The following PAK5 variants were observed in gnomAD, a reference collection of about 807,000 sequenced individuals.
PAK5 encodes the protein serine/threonine-protein kinase PAK 5.
A neutral mutation model predicts 65.9 loss-of-function variants in PAK5; 16 were observed. That is an observed-to-expected ratio of 0.24 (90% CI 0.16 to 0.37). The LOEUF (loss-of-function observed/expected upper bound fraction) is 0.37, where lower values mean the gene tolerates loss of function less well. Ranked by LOEUF, PAK5 falls within the 10% of genes least tolerant of loss-of-function variation. PAK5 has a pLI of 1.00. For missense variants in PAK5, 785 were observed against 903.9 expected, an observed-to-expected ratio of 0.87 and a Z score of 1.69; for synonymous variants, 371 against 354.9, an observed-to-expected ratio of 1.05 and a Z score of -0.51.
At chr20:9,570,740 C>T (rs1331401111) in intron 4 of PAK5, among the ~76,000 whole-genome samples, 3 of 152,142 alleles carry the variant, frequency 2.0e-5, no homozygotes, top group African/African-American at 4.8e-5. Context: ...GTACTTTCAA[C>T]GAAATTGAAT....
intron 1 of PAK5, among the ~76,000 whole-genome samples, chr20:9,827,327 T>A (rs1323114592): frequency 1.3e-5 from 2 of 152,230 alleles, no homozygotes; most frequent in Non-Finnish European, 1.5e-5. Flanking sequence ...CTTGAATCTA[T>A]CTAACTGCGT....
chr20:9,759,212 A>G (rs1231445880), intron 1 of PAK5, among the ~76,000 whole-genome samples: 2 of 152,318 alleles, frequency 1.3e-5, no homozygotes, highest in Non-Finnish European at 2.9e-5. Flanking sequence ...TGCAGAATGT[A>G]GCTGGGCTTT....
At chr20:9,609,791 A>G (rs2046524445) in intron 3 of PAK5, among the ~76,000 whole-genome samples, 1 of 152,236 alleles carries the variant, frequency 6.6e-6, no homozygotes, top group African/African-American at 2.4e-5. Flanking sequence ...GAACTTTAGC[A>G]TAGACATTAT....
chr20:9,680,020 T>G (rs2047628361), intron 2 of PAK5, among the ~76,000 whole-genome samples: 1 of 152,192 alleles, frequency 6.6e-6, no homozygotes, highest in African/African-American at 2.4e-5. Context: ...GAGTTCAGAT[T>G]TGTTTCTACT....
intron 2 of PAK5, among the ~76,000 whole-genome samples, chr20:9,687,392 A>C (rs181086023): frequency 2.6e-5 from 4 of 152,316 alleles, no homozygotes; most frequent in African/African-American, 4.8e-5. Context: ...TCTAACTTGT[A>C]AAGTATTTCC....
chr20:9,658,473 T>G (rs1488242757), intron 2 of PAK5, among the ~76,000 whole-genome samples: 2 of 152,118 alleles, frequency 1.3e-5, no homozygotes, highest in Admixed American at 6.6e-5. Flanking sequence ...AAAAGGCACA[T>G]AAGATTGGTT....
In PAK5 at chr20:9,562,992, ATTGTCATGGTG is replaced by A. The variant is rs1319014388; in HGVS notation, c.1504_1514del (p.His502CysfsTer3). The A allele has an allele frequency of 1.2e-6, 2 of 1,612,650 alleles. No individual in the cohort carries two copies. The highest frequency in any genetic ancestry group is 1.7e-6 in the Non-Finnish European group (2 of 1,178,762). On this transcript the variant is annotated frameshift_variant, in exon 6 of 10. Transcript: ENST00000353224. LOFTEE classifies it high-confidence loss of function. Reference sequence around the variant, plus strand: ...GGTAGCTGCTGTACATGTCAACCACATTGTCATGGTGGTAATCCCGCATGATCACGACCTGG... The same window carrying A: ...GGTAGCTGCTGTACATGTCAACCACAGTAATCCCGCATGATCACGACCTGG...
At chr20:9,622,445 T>C (rs1020664633) in intron 3 of PAK5, among the ~76,000 whole-genome samples, 8 of 152,210 alleles carry the variant, frequency 5.3e-5, no homozygotes, top group African/African-American at 1.9e-4. Flanking sequence ...TTCTACGGAA[T>C]AGTGCTAATC....
intron 1 of PAK5, among the ~76,000 whole-genome samples, chr20:9,740,765 A>G (rs1011893130): frequency 5.3e-5 from 8 of 152,226 alleles, no homozygotes; most frequent in Non-Finnish European, 1.2e-4. Context: ...AGCTAAGCCA[A>G]GATCATAAGA....
At chr20:9,561,429 C>T (rs1052731813) in intron 6 of PAK5, among the ~76,000 whole-genome samples, 1 of 151,888 alleles carries the variant, frequency 6.6e-6, no homozygotes, top group Non-Finnish European at 1.5e-5. Flanking sequence ...TAGATCTTTC[C>T]AGTATATTTG....
chr20:9,641,144 TA>T (rs1810897349), intron 3 of PAK5, among the ~76,000 whole-genome samples: 2 of 152,038 alleles, frequency 1.3e-5, no homozygotes, highest in African/African-American at 4.8e-5. Context: ...ATTAGTTAGA[TA>T]CAGAGTTTCG....
At chr20:9,570,235 G>A (rs548850520) in intron 4 of PAK5, among the ~76,000 whole-genome samples, 1 of 152,170 alleles carries the variant, frequency 6.6e-6, no homozygotes, top group East Asian at 1.9e-4. Context: ...GCACAGTAAT[G>A]AGAATGCAAA....
At chr20:9,621,506 T>A (rs954059084) in intron 3 of PAK5, among the ~76,000 whole-genome samples, 2 of 150,344 alleles carry the variant, frequency 1.3e-5, no homozygotes, top group African/African-American at 4.9e-5. Flanking sequence ...AGAGAGAATA[T>A]TAATGGGCTG....
At chr20:9,632,265 T>C (rs1011504228) in intron 3 of PAK5, among the ~76,000 whole-genome samples, 2 of 152,174 alleles carry the variant, frequency 1.3e-5, no homozygotes, top group African/African-American at 4.8e-5. Context: ...GGCCACTCTA[T>C]GGGAAACCAA....
At chr20:9,556,722 C>T (rs577157987) in intron 7 of PAK5, among the ~76,000 whole-genome samples, 1 of 152,320 alleles carries the variant, frequency 6.6e-6, no homozygotes, top group East Asian at 1.9e-4. Context: ...GAATCCCTTG[C>T]ACAGGTTGCA....
chr20:9,772,985 T>G (rs1232878320), intron 1 of PAK5, among the ~76,000 whole-genome samples: 1 of 152,224 alleles, frequency 6.6e-6, no homozygotes, highest in African/African-American at 2.4e-5. Context: ...GATCTGCTTT[T>G]GAGGAAACTC....
chr20:9,633,884 C>T (rs1168454684), intron 3 of PAK5, among the ~76,000 whole-genome samples: 1 of 152,162 alleles, frequency 6.6e-6, no homozygotes, highest in Non-Finnish European at 1.5e-5. Flanking sequence ...TTCAATATAA[C>T]CTATAACTGA....
intron 1 of PAK5, among the ~76,000 whole-genome samples, chr20:9,763,847 C>A (rs893442586): frequency 3.3e-5 from 5 of 152,182 alleles, no homozygotes; most frequent in African/African-American, 1.2e-4. Flanking sequence ...TGTGTTTATA[C>A]GTACATATAA....
intron 2 of PAK5, among the ~76,000 whole-genome samples, chr20:9,684,865 T>G (rs2047697326): frequency 6.6e-6 from 1 of 152,142 alleles, no homozygotes; most frequent in Admixed American, 6.5e-5. Context: ...ATCTTTGGGG[T>G]GGAAGTGGGG....
Sources: allele counts gnomAD v4.1 joint callset (sites outside exome capture counted in the v4.1 genomes callset), GRCh38; gene constraint gnomAD v4.1.1; transcripts MANE v1.5; gene names NCBI Gene and HGNC (gene_info 2026-07-23, HGNC 2026-07-21).